Variants in RGS5 observed in about 807,000 individuals in gnomAD.
The protein encoded by RGS5 is regulator of G-protein signalling 5.
In RGS5, 20 loss-of-function variants were observed where a neutral mutation model predicts 18.9. The ratio of observed to expected loss-of-function variants is 1.06; its 90% CI spans 0.74 to 1.54. The LOEUF is 1.54. Among genes scored for constraint, RGS5 ranks in the 40% most tolerant of loss-of-function variants. The pLI, the probability that RGS5 is intolerant of heterozygous loss-of-function variation, is 0.00. For synonymous variants in RGS5, 57 were observed against 76.2 expected (o/e 0.75, Z 1.31); for missense variants, 201 against 211.8 (o/e 0.95, Z 0.32).
At chr1:163,148,009 C>T (rs975838086) in intron 4 of RGS5, among the ~76,000 whole-genome samples, 1 of 140,498 alleles carries the variant, frequency 7.1e-6, no homozygotes, top group African/African-American at 2.7e-5. Context: ...TTCACTGCAA[C>T]CTCTGCCTTC....
At chr1:163,209,752 T>C (rs1660055768) in intron 1 of RGS5, among the ~76,000 whole-genome samples, 1 of 152,146 alleles carries the variant, frequency 6.6e-6, no homozygotes, top group Admixed American at 6.5e-5. Flanking sequence ...GTCAGTTTTC[T>C]AGGGTATTTG....
At chr1:163,217,473 G>A (rs2814368) in intron 1 of RGS5, 995,327 of 1,465,928 alleles carry the variant, frequency 0.68, 343,246 homozygotes, top group African/African-American at 0.94. Context: ...AGTCTTTCCT[G>A]TAAATTATAA....
rs376712928 is a variant in RGS5 at position 163,171,415 on chromosome 1, G to A, written c.45-3047C>T. Among the ~76,000 whole-genome samples, 25 of 152,188 alleles carry A rather than the reference G, an allele frequency of 1.6e-4. 1 individual carries two copies. The highest frequency in any genetic ancestry group is 5.8e-4 in the African/African-American group (24 of 41,526). On this transcript the variant is annotated intron_variant, in intron 1 of 4. Transcript: ENST00000313961. ...TCCCTCCCTTCCTGTGCACCCATCTGTGGAATCCATGCTGCAACTGTTTTC... is the reference window on the plus strand; with the variant it reads ...TCCCTCCCTTCCTGTGCACCCATCTATGGAATCCATGCTGCAACTGTTTTC...
intron 2 of RGS5, among the ~76,000 whole-genome samples, chr1:163,286,301 G>A (rs1165608888): frequency 9.2e-5 from 14 of 152,204 alleles, no homozygotes; most frequent in Non-Finnish European, 1.5e-5. Context: ...AGGGACTTGA[G>A]CATTAGTAGA....
chr1:163,318,841 A>T (rs1650099678), intron 1 of RGS5: 1 of 152,194 alleles, frequency 6.6e-6, no homozygotes. Flanking sequence ...ATTTTCTGAG[A>T]CAGACAAATA....
At chr1:163,206,727 G>A (rs1177683534), upstream of RGS5, 1 of 151,996 alleles carries the variant, frequency 6.6e-6, no homozygotes, top group Admixed American at 6.6e-5. Context: ...TCTTGGAGAA[G>A]CAGAGAGCAG....
intron 1 of RGS5, 26 bp from the exon 2 acceptor site, chr1:163,168,394 T>G: frequency 6.6e-7 from 1 of 1,508,666 alleles, no homozygotes; most frequent in Non-Finnish European, 9.2e-7. Context: ...CAAGGGGAAA[T>G]GAGGACACCA....
intron 1 of RGS5, among the ~76,000 whole-genome samples, chr1:163,215,879 A>T (rs1214442740): frequency 1.3e-5 from 2 of 152,098 alleles, no homozygotes; most frequent in Non-Finnish European, 2.9e-5. Flanking sequence ...AGCCTGGGAA[A>T]CATAGTGAAA....
intron 2 of RGS5, chr1:163,162,797 A>C (rs1657862052): frequency 6.6e-6 from 1 of 152,132 alleles, no homozygotes. Flanking sequence ...AGGATGTGTC[A>C]AGTGGAGCTG....
chr1:163,285,877 G>C (rs1649130488), intron 2 of RGS5, among the ~76,000 whole-genome samples: 1 of 151,886 alleles, frequency 6.6e-6, no homozygotes, highest in South Asian at 2.1e-4. Context: ...CCCAGAAGCA[G>C]AATCCTGTAC....
At chr1:163,217,256 G>T (rs1010714421) in intron 1 of RGS5, among the ~76,000 whole-genome samples, 1 of 151,990 alleles carries the variant, frequency 6.6e-6, no homozygotes, top group Non-Finnish European at 1.5e-5. Flanking sequence ...AAAATAAAAA[G>T]ACTCAGCTGT....
chr1:163,225,426 A>G (rs1165664805), intron 2 of RGS5, among the ~76,000 whole-genome samples: 1 of 152,148 alleles, frequency 6.6e-6, no homozygotes, highest in Non-Finnish European at 1.5e-5. Flanking sequence ...CTTCTGCAAC[A>G]TATAGAATTA....
At chr1:163,202,213 A>G (rs1344908518) in intron 1 of RGS5, among the ~76,000 whole-genome samples, 1 of 152,160 alleles carries the variant, frequency 6.6e-6, no homozygotes, top group Non-Finnish European at 1.5e-5. Flanking sequence ...TCCTCACTGC[A>G]AACTTGCCTC....
At chr1:163,235,141 A>G (rs191137008) in intron 2 of RGS5, among the ~76,000 whole-genome samples, 3 of 152,310 alleles carry the variant, frequency 2.0e-5, no homozygotes, top group Non-Finnish European at 2.9e-5. Context: ...ACCACAGCCA[A>G]TTCAGGCCAG....
chr1:163,260,346 G>A (rs1648395960), intron 2 of RGS5: 1 of 151,988 alleles, frequency 6.6e-6, no homozygotes, highest in African/African-American at 2.4e-5. Context: ...TTAGAAAATG[G>A]TCTTAGTTTA....
chr1:163,212,104 C>T (rs1200751196), intron 1 of RGS5: 1 of 152,154 alleles, frequency 6.6e-6, no homozygotes, highest in African/African-American at 2.4e-5. Flanking sequence ...TCCTACTCTC[C>T]TTCTTCACAA....
chr1:163,198,115 GA>G lies in RGS5; in HGVS notation c.44+4676del, dbSNP rs564166683. On this transcript the variant is annotated intron_variant, in intron 1 of 4. Coordinates refer to ENST00000313961, the MANE Select transcript of RGS5 (RefSeq NM_003617.4). ...ACCCACATAAATCAGAGAACATGGG[GA>G]AAAAAATGATTGTTTTGTAAAATAA... Among the ~76,000 whole-genome samples, 34 of 150,834 alleles carry G rather than the reference GA, an allele frequency of 2.3e-4. No homozygotes were observed. In the East Asian group the frequency reaches 2.5e-3, roughly 11 times the overall value.
intron 1 of RGS5, among the ~76,000 whole-genome samples, chr1:163,316,111 T>C (rs1272684407): frequency 6.6e-6 from 1 of 152,160 alleles, no homozygotes; most frequent in Non-Finnish European, 1.5e-5. Flanking sequence ...AACTCAAAAA[T>C]ATATAAAAGC....
At chr1:163,282,040 C>CAT (rs1557929867) in intron 2 of RGS5, among the ~76,000 whole-genome samples, 3 of 141,676 alleles carry the variant, frequency 2.1e-5, no homozygotes, top group South Asian at 2.5e-4. Context: ...CAGAAGTGCA[C>CAT]GCGCGCGCAC....
Sources: allele counts gnomAD v4.1 joint callset (sites outside exome capture counted in the v4.1 genomes callset), GRCh38; gene constraint gnomAD v4.1.1; transcripts MANE v1.5; gene names NCBI Gene and HGNC (gene_info 2026-07-23, HGNC 2026-07-21).